CLASP1: variants seen among roughly 807,000 people sequenced by gnomAD.
The protein encoded by CLASP1 is CLIP-associating protein 1.
A neutral mutation model predicts 192.3 loss-of-function variants in CLASP1; 38 were observed. The observed-to-expected ratio is 0.20, with a 90% CI of 0.15 to 0.26. The LOEUF is 0.26. CLASP1 is among the 10% of genes least tolerant of loss of function. The pLI, the probability that CLASP1 is intolerant of heterozygous loss-of-function variation, is 1.00. For missense variants in CLASP1, 1,433 were observed against 1,932.5 expected, an observed-to-expected ratio of 0.74 and a Z score of 4.85; for synonymous variants, 691 against 712.8, an observed-to-expected ratio of 0.97 and a Z score of 0.49.
intron 2 of CLASP1, among the ~76,000 whole-genome samples, chr2:121,560,036 T>C (rs2058940423): frequency 6.6e-6 from 1 of 152,162 alleles, no homozygotes; most frequent in African/African-American, 2.4e-5. Flanking sequence ...AAGTCCCTTG[T>C]ATTTCTTAAG....
chr2:121,511,691 C>A lies in CLASP1; in HGVS notation c.644+3974G>T, dbSNP rs112176460. On this transcript the variant is annotated intron_variant, in intron 7 of 39. Transcript: ENST00000263710. ...AAAAATTTTTAAATAGCAATACCTG[C>A]CAATTATTAGGAGAACAGTAAATAA... 1.1e-4 allele frequency among the ~76,000 whole-genome samples: 16 copies of A among 151,832 alleles called. 1 individual carries two copies. Among genetic ancestry groups the A allele is most frequent in the African/African-American group, 3.4e-4 (14 of 41,446 alleles).
At chr2:121,608,085 T>G (rs1242471376) in intron 1 of CLASP1, among the ~76,000 whole-genome samples, 1 of 152,248 alleles carries the variant, frequency 6.6e-6, no homozygotes, top group Non-Finnish European at 1.5e-5. Flanking sequence ...ATGCTGGAAC[T>G]AGTCCCTCCT....
chr2:121,530,914 A>AT, intron 2 of CLASP1: 1 of 699,338 alleles, frequency 1.4e-6, no homozygotes, highest in East Asian at 2.7e-5. Context: ...CTACTGTCCA[A>AT]TGAGCGCATA....
At chr2:121,401,359 T>G in intron 28 of CLASP1, 150 bp downstream of exon 29, 1 of 595,470 alleles carries the variant, frequency 1.7e-6, no homozygotes, top group Admixed American at 2.7e-5. Context: ...GTGGGACATG[T>G]CAACAAGTAT....
At chr2:121,401,631 T>C in exon 28 of CLASP1, 1 of 1,612,498 alleles carries the variant, frequency 6.2e-7, no homozygotes, top group Non-Finnish European at 8.5e-7. Flanking sequence ...CCTTATGAAT[T>C]ATTATAAAAT....
In CLASP1 at chr2:121,387,744, T is replaced by C; in HGVS notation, c.3267+19A>G. On this transcript the variant is annotated intron_variant, in intron 31 of 39. Coordinates refer to ENST00000263710, the Ensembl canonical transcript of CLASP1. ...GTCATGGACATCACATAGGCACCAA[T>C]CGTGACCAAAGCACTCACCACACTG... 6.2e-7 allele frequency: 1 copy of C among 1,613,702 alleles called. No individual in the cohort carries two copies. Among genetic ancestry groups the C allele is most frequent in the Non-Finnish European group, 8.5e-7 (1 of 1,179,638 alleles).
intron 19 of CLASP1, chr2:121,445,462 T>G (rs1288375557): frequency 1.6e-6 from 2 of 1,289,574 alleles, no homozygotes; most frequent in Non-Finnish European, 2.0e-6. Context: ...AGTCCAGGCC[T>G]ATGTACTCCA....
intron 2 of CLASP1, chr2:121,530,991 G>C (rs759252092): frequency 7.1e-6 from 5 of 700,236 alleles, no homozygotes; most frequent in Non-Finnish European, 1.3e-5. Context: ...CTTTATTTTG[G>C]TGCAATTTTT....
At chr2:121,455,168 T>C (rs1262869983) in intron 14 of CLASP1, among the ~76,000 whole-genome samples, 1 of 152,178 alleles carries the variant, frequency 6.6e-6, no homozygotes, top group African/African-American at 2.4e-5. Flanking sequence ...AGCCACACAG[T>C]AAGGAATTAC....
intron 30 of CLASP1, among the ~76,000 whole-genome samples, chr2:121,396,094 T>C (rs1216691837): frequency 6.6e-6 from 1 of 152,208 alleles, no homozygotes; most frequent in South Asian, 2.1e-4. Context: ...TACTTGGGAA[T>C]AGAGCTCAGA....
intron 37 of CLASP1, among the ~76,000 whole-genome samples, chr2:121,353,596 G>A (rs371550752): frequency 6.6e-6 from 1 of 152,198 alleles, no homozygotes; most frequent in Admixed American, 6.5e-5. Flanking sequence ...CTCACCATGT[G>A]TATGCTTTAT....
intron 7 of CLASP1, among the ~76,000 whole-genome samples, chr2:121,514,149 T>C (rs1003429139): frequency 1.3e-5 from 2 of 152,144 alleles, no homozygotes; most frequent in African/African-American, 4.8e-5. Flanking sequence ...CATTTCCCCC[T>C]GATTTGCTAG....
At chr2:121,407,990 G>T in intron 24 of CLASP1, 1 of 531,004 alleles carries the variant, frequency 1.9e-6, no homozygotes, top group Admixed American at 2.4e-5. Context: ...TCACAACCTT[G>T]GTGCCAACAC....
At chr2:121,373,040 A>G (rs1399797263) in intron 34 of CLASP1, among the ~76,000 whole-genome samples, 1 of 152,186 alleles carries the variant, frequency 6.6e-6, no homozygotes, top group Non-Finnish European at 1.5e-5. Context: ...TGCACATCTG[A>G]TATGGTTTGG....
intron 2 of CLASP1, among the ~76,000 whole-genome samples, chr2:121,564,518 AC>A (rs1194759816): frequency 1.1e-4 from 17 of 152,154 alleles, no homozygotes; most frequent in African/African-American, 2.7e-4. Context: ...TATCACCTGT[AC>A]TCACATCCAA....
intron 29 of CLASP1, 88 bp downstream of exon 30, chr2:121,398,234 T>C: frequency 1.1e-6 from 1 of 928,834 alleles, no homozygotes; most frequent in Non-Finnish European, 1.7e-6. Context: ...TTATTCACAA[T>C]AGCTAAACAT....
At chr2:121,477,258 G>T (rs2091745265) in intron 8 of CLASP1, among the ~76,000 whole-genome samples, 1 of 152,192 alleles carries the variant, frequency 6.6e-6, no homozygotes, top group South Asian at 2.1e-4. Context: ...GGCAAAATTT[G>T]TGAATGGATG....
At chr2:121,631,287 CTTTTTTTTT>C (rs769717647) in intron 1 of CLASP1, among the ~76,000 whole-genome samples, 1 of 127,596 alleles carries the variant, frequency 7.8e-6, no homozygotes, top group Admixed American at 8.1e-5. Flanking sequence ...TTTAAAATTA[CTTTTTTTTT>C]TTTTTTTTTT....
chr2:121,592,993 G>A (rs1008071179), intron 2 of CLASP1, among the ~76,000 whole-genome samples: 1 of 152,146 alleles, frequency 6.6e-6, no homozygotes, highest in African/African-American at 2.4e-5. Context: ...GAAGCTATAG[G>A]TGAAAGTTTA....
Sources: allele counts gnomAD v4.1 joint callset (sites outside exome capture counted in the v4.1 genomes callset), GRCh38; gene constraint gnomAD v4.1.1; transcripts MANE v1.5; gene names NCBI Gene and HGNC (gene_info 2026-07-23, HGNC 2026-07-21).